Variants in GPC5 observed in about 807,000 individuals in gnomAD.
The protein encoded by GPC5 is glypican-5.
Under a neutral mutation model 53.9 loss-of-function variants are expected in GPC5, and 47 were observed. The observed-to-expected ratio is 0.87, with a 90% CI of 0.69 to 1.11. GPC5 has a LOEUF of 1.11. Among genes scored for constraint, GPC5 ranks in the 50% most tolerant of loss-of-function variants. The probability of loss-of-function intolerance (pLI) is 0.00; values close to 1 mark genes in which losing one functional copy is unlikely to be tolerated. For synonymous variants in GPC5, 286 were observed against 263.3 expected (o/e 1.09, Z -0.84); for missense variants, 748 against 713.1 (o/e 1.05, Z -0.56).
chr13:92,382,223 T>A (rs1566565642), intron 7 of GPC5, among the ~76,000 whole-genome samples: 1 of 150,800 alleles, frequency 6.6e-6, no homozygotes, highest in Admixed American at 6.6e-5. Flanking sequence ...GGGGGAAGAG[T>A]GGGAGGGTGG....
At chr13:92,185,396 A>G (rs2042176562) in intron 7 of GPC5, among the ~76,000 whole-genome samples, 1 of 152,212 alleles carries the variant, frequency 6.6e-6, no homozygotes, top group Admixed American at 6.5e-5. Flanking sequence ...TCTTAAACTT[A>G]CTAAGATGTA....
intron 7 of GPC5, among the ~76,000 whole-genome samples, chr13:92,602,244 AT>A (rs1884098172): frequency 7.2e-6 from 1 of 138,418 alleles, no homozygotes. Flanking sequence ...ATATATATAT[AT>A]ATATATATAT....
intron 7 of GPC5, among the ~76,000 whole-genome samples, chr13:92,793,054 C>T (rs1419452612): frequency 1.3e-5 from 2 of 152,104 alleles, no homozygotes; most frequent in Non-Finnish European, 2.9e-5. Context: ...ATCTACAGAA[C>T]TCTCCACCCC....
At chr13:91,704,902 A>G (rs2036066275) in intron 3 of GPC5, among the ~76,000 whole-genome samples, 1 of 152,230 alleles carries the variant, frequency 6.6e-6, no homozygotes, top group African/African-American at 2.4e-5. Flanking sequence ...ATGCAAGTCT[A>G]CAACATTGGC....
chr13:92,310,475 C>G (rs1348110306), intron 7 of GPC5, among the ~76,000 whole-genome samples: 2 of 152,098 alleles, frequency 1.3e-5, no homozygotes, highest in African/African-American at 4.8e-5. Context: ...TCTACAGTAA[C>G]AGCTGTACCT....
intron 7 of GPC5, among the ~76,000 whole-genome samples, chr13:92,458,296 CT>C (rs1309973251): frequency 4.7e-5 from 5 of 105,404 alleles, no homozygotes; most frequent in Admixed American, 1.3e-4. Context: ...AGTTATTATT[CT>C]TTTTTTGGGG....
intron 7 of GPC5, among the ~76,000 whole-genome samples, chr13:92,267,750 G>A (rs983481940): frequency 6.6e-6 from 1 of 151,960 alleles, no homozygotes; most frequent in African/African-American, 2.4e-5. Context: ...ATTCACACTT[G>A]TTCATTTACA....
intron 7 of GPC5, among the ~76,000 whole-genome samples, chr13:92,560,857 A>ATGTG (rs34114433): frequency 0.087 from 12,129 of 139,088 alleles, 551 homozygotes; most frequent in African/African-American, 0.11. Context: ...AGAAAATTAT[A>ATGTG]TGTGTGTGTG....
chr13:92,206,524 C>T (rs1236865479), intron 7 of GPC5, among the ~76,000 whole-genome samples: 1 of 151,848 alleles, frequency 6.6e-6, no homozygotes. Context: ...CCTTGGTTTA[C>T]CATTATTTGT....
At chr13:92,821,397 A>AT (rs1877667656) in intron 7 of GPC5, among the ~76,000 whole-genome samples, 2 of 152,116 alleles carry the variant, frequency 1.3e-5, no homozygotes. Context: ...TATACTTCGC[A>AT]AGTCAACATA....
intron 7 of GPC5, chr13:92,448,924 T>C (rs1005885702): frequency 1.7e-5 from 1 of 57,392 alleles, no homozygotes; most frequent in Non-Finnish European, 3.7e-5. Flanking sequence ...GCTAATGCTA[T>C]TGGGCACTGT....
intron 7 of GPC5, among the ~76,000 whole-genome samples, chr13:92,606,125 A>G (rs1884249300): frequency 6.6e-6 from 1 of 152,052 alleles, no homozygotes; most frequent in Non-Finnish European, 1.5e-5. Flanking sequence ...TCTAGGGTAC[A>G]TGTACACAAC....
At chr13:92,490,042 A>G (rs556172339) in intron 7 of GPC5, 1 of 152,984 alleles carries the variant, frequency 6.5e-6, no homozygotes, top group Admixed American at 6.6e-5. Context: ...CTGTTTACAT[A>G]CTCTTCTTGT....
chr13:91,858,342 T>C (rs2038989600), intron 5 of GPC5, among the ~76,000 whole-genome samples: 1 of 151,910 alleles, frequency 6.6e-6, no homozygotes, highest in Non-Finnish European at 1.5e-5. Flanking sequence ...GTATGTTCTT[T>C]CTATACAGTT....
At chr13:91,798,491 T>A (rs938593367) in intron 5 of GPC5, among the ~76,000 whole-genome samples, 3 of 152,172 alleles carry the variant, frequency 2.0e-5, no homozygotes, top group African/African-American at 7.2e-5. Context: ...AGCTTCCAGC[T>A]CCATCCATGT....
chr13:92,747,748 T>C (rs768879249), intron 7 of GPC5, among the ~76,000 whole-genome samples: 1 of 152,188 alleles, frequency 6.6e-6, no homozygotes, highest in Non-Finnish European at 1.5e-5. Context: ...ATTAAATTGA[T>C]GCTTCTGACT....
intron 7 of GPC5, among the ~76,000 whole-genome samples, chr13:92,307,198 A>ATATATATATATATATATATAT (rs1432163214): frequency 1.3e-4 from 20 of 152,332 alleles, no homozygotes; most frequent in Non-Finnish European, 2.6e-4. Context: ...TGTTGATATG[A>ATATATATATATATATATATAT]AAAGGAAAAT....
At chr13:92,084,583 C>A (rs9560916) in intron 6 of GPC5, among the ~76,000 whole-genome samples, 1 of 152,146 alleles carries the variant, frequency 6.6e-6, no homozygotes, top group Admixed American at 6.6e-5. Context: ...TGAATCCTAG[C>A]TTTGCCAGTT....
rs1337811042 is a variant in GPC5, at chr13:92,317,339, G to T, written c.1561+172350G>T. Among the ~76,000 whole-genome samples, 3 of 152,154 alleles carry T rather than the reference G, an allele frequency of 2.0e-5. No individual in the cohort carries two copies. In the East Asian group the frequency reaches 5.8e-4, roughly 29 times the overall value. ...GGGGAAGGGTGGGAAAAGGGTCCAAGATAATGGGTGAAAAGAGAGTTATTC... is the reference window on the plus strand; with the variant it reads ...GGGGAAGGGTGGGAAAAGGGTCCAATATAATGGGTGAAAAGAGAGTTATTC... On this transcript the variant is annotated intron_variant, in intron 7 of 7. Coordinates refer to ENST00000377067, the MANE Select transcript of GPC5 (RefSeq NM_004466.6).
Sources: gnomAD v4.1 joint callset for allele counts (sites outside exome capture counted in the v4.1 genomes callset) on GRCh38, gnomAD v4.1.1 for gene constraint, MANE v1.5 for transcripts, NCBI Gene and HGNC (gene_info 2026-07-23, HGNC 2026-07-21) for gene names.